PTPRG: variants seen among roughly 807,000 people sequenced by gnomAD.
PTPRG encodes protein tyrosine phosphatase receptor type G, also known as receptor-type tyrosine-protein phosphatase gamma.
PTPRG carries 102 observed loss-of-function variants against 165.3 expected under a neutral mutation model. That is an observed-to-expected ratio of 0.62 (90% CI 0.53 to 0.73). PTPRG has a LOEUF of 0.73. Among genes scored for constraint, PTPRG ranks in the 30% least tolerant of loss-of-function variants. PTPRG has a pLI of 0.00. For synonymous variants in PTPRG, 675 were observed against 669.5 expected, an observed-to-expected ratio of 1.01 and a Z score of -0.13; for missense variants, 1,866 against 1,861.4, an observed-to-expected ratio of 1.00 and a Z score of -0.05.
At chr3:61,918,642 C>T (rs35452054) in intron 2 of PTPRG, among the ~76,000 whole-genome samples, 1 of 152,072 alleles carries the variant, frequency 6.6e-6, no homozygotes, top group Non-Finnish European at 1.5e-5. Context: ...AATCACATGG[C>T]CAAGAAAGGT....
At chr3:61,584,048 T>C (rs1303063853) in intron 1 of PTPRG, among the ~76,000 whole-genome samples, 1 of 152,228 alleles carries the variant, frequency 6.6e-6, no homozygotes. Flanking sequence ...GTTTGGTTTT[T>C]CGAGTTCATT....
intron 1 of PTPRG, among the ~76,000 whole-genome samples, chr3:61,712,185 C>T (rs943908841): frequency 1.1e-4 from 17 of 152,088 alleles, no homozygotes; most frequent in Non-Finnish European, 2.2e-4. Context: ...TGAGCCACCG[C>T]GCCCGGCCTG....
At chr3:62,267,938 TTC>T (rs1701937552) in intron 19 of PTPRG, 119 bp downstream of exon 19, 1 of 1,145,572 alleles carries the variant, frequency 8.7e-7, no homozygotes, top group Non-Finnish European at 1.2e-6. Context: ...ATGAAAAGTG[TTC>T]TCTCTGCTTT....
intron 4 of PTPRG, among the ~76,000 whole-genome samples, chr3:62,073,667 G>A (rs1046877232): frequency 2.6e-5 from 4 of 152,094 alleles, no homozygotes; most frequent in Admixed American, 1.3e-4. Flanking sequence ...TTTTTGTAGA[G>A]ACAGGGTTTC....
At chr3:62,148,357 A>G (rs1173444450) in intron 6 of PTPRG, among the ~76,000 whole-genome samples, 1 of 152,180 alleles carries the variant, frequency 6.6e-6, no homozygotes, top group African/African-American at 2.4e-5. Flanking sequence ...TAGACAGGTC[A>G]TGTCGGGCCC....
At chr3:61,663,451 C>G (rs1165792356) in intron 1 of PTPRG, among the ~76,000 whole-genome samples, 2 of 152,046 alleles carry the variant, frequency 1.3e-5, no homozygotes, top group Admixed American at 6.6e-5. Context: ...CCCTAACTTG[C>G]AATGTTATTG....
chr3:61,817,642 G>A (rs996527123), intron 2 of PTPRG, among the ~76,000 whole-genome samples: 3 of 152,140 alleles, frequency 2.0e-5, no homozygotes, highest in Admixed American at 6.5e-5. Flanking sequence ...ACAGCTACGA[G>A]ACCTGCGTGG....
chr3:61,850,548 G>A (rs1202420041), intron 2 of PTPRG, among the ~76,000 whole-genome samples: 1 of 152,166 alleles, frequency 6.6e-6, no homozygotes, highest in Non-Finnish European at 1.5e-5. Flanking sequence ...TTTAAAAAAT[G>A]TGTCCTATTT....
At chr3:61,789,202 T>G (rs536286859) in intron 2 of PTPRG, among the ~76,000 whole-genome samples, 2 of 152,268 alleles carry the variant, frequency 1.3e-5, no homozygotes, top group South Asian at 4.1e-4. Context: ...CGGGCTCAGG[T>G]GATCCTCCCA....
intron 2 of PTPRG, among the ~76,000 whole-genome samples, chr3:61,818,988 A>G (rs538772589): frequency 1.2e-4 from 19 of 152,134 alleles, no homozygotes; most frequent in Non-Finnish European, 2.4e-4. Context: ...TAAATAATAT[A>G]GAGAAAGTAT....
At chr3:62,159,246 A>G (rs188215283) in intron 7 of PTPRG, among the ~76,000 whole-genome samples, 78 of 152,102 alleles carry the variant, frequency 5.1e-4, no homozygotes, top group Non-Finnish European at 9.9e-4. Flanking sequence ...GGGGAGGATC[A>G]CTTGAGTCTA....
intron 2 of PTPRG, among the ~76,000 whole-genome samples, chr3:61,920,172 G>C (rs7648772): frequency 0.011 from 1,619 of 152,246 alleles, 35 homozygotes; most frequent in South Asian, 0.093. Context: ...CCTCACTTGT[G>C]AAAGACTCAA....
chr3:62,201,511 C>T lies in PTPRG; in HGVS notation c.1334C>T (p.Thr445Ile), dbSNP rs1175225196. Residue 445 changes from threonine (T) to isoleucine (I), a missense_variant, in exon 11 of 30, where the codon ACC (threonine) becomes ATC (isoleucine). Thr to Ile is a moderately conservative substitution (Grantham distance 89). Around this residue, in one of 3 missense-constraint regions of PTPRG, gnomAD observed 1,452 missense variants for 1,463.0 expected, o/e 0.99. Coordinates refer to ENST00000474889, the MANE Select transcript of PTPRG (RefSeq NM_002841.4). ...FSQTMLFQAN[T>I]TRIFQGTRIV... ...TAATTTCTTTGTTTCTCAGCTAATA[C>T]CACTCGAATATTCCAAGGGACCAGA... The T allele has an allele frequency of 2.5e-6, 4 of 1,607,708 alleles. No individual in the cohort carries two copies. The East Asian group carries it at 6.7e-5, about 27-fold the overall frequency.
chr3:62,264,480 G>T (rs1182310756), intron 17 of PTPRG, among the ~76,000 whole-genome samples: 1 of 152,046 alleles, frequency 6.6e-6, no homozygotes, highest in African/African-American at 2.4e-5. Context: ...TAGAAACCCT[G>T]TATCTACCTT....
At chr3:62,060,767 C>T (rs1700782032) in intron 4 of PTPRG, among the ~76,000 whole-genome samples, 1 of 152,100 alleles carries the variant, frequency 6.6e-6, no homozygotes, top group African/African-American at 2.4e-5. Flanking sequence ...TCTATTCTTG[C>T]CTGCATTTTC....
In PTPRG at chr3:61,863,201, CTT is replaced by C. The variant is rs533879624; in HGVS notation, c.190+114221_190+114222del. On this transcript the variant is annotated intron_variant, in intron 2 of 29. Coordinates refer to ENST00000474889, the MANE Select transcript of PTPRG (RefSeq NM_002841.4). ...CCTGACCCAGACGGGGCTTCCCCCT[CTT>C]TGAGCAGTGGATTGTCTTGGACTGA... 2.3e-4 allele frequency among the ~76,000 whole-genome samples: 35 copies of C among 152,280 alleles called. 1 individual carries two copies. The South Asian group carries it at 7.0e-3, about 31-fold the overall frequency.
chr3:62,273,979 A>T lies in PTPRG; in HGVS notation c.3465+135A>T. The T allele has an allele frequency of 1.2e-6, 1 of 854,066 alleles. No homozygotes were observed. Among genetic ancestry groups the T allele is most frequent in the Non-Finnish European group, 1.8e-6 (1 of 565,604 alleles). The allele number at this position is 854,066 out of a possible 1,614,324, so 52.9% of individuals were successfully genotyped here. On this transcript the variant is annotated intron_variant, in intron 23 of 29. Transcript: ENST00000474889. The surrounding 1 kb of genome is among the most constrained non-coding windows in gnomAD (Gnocchi z 4.1). ...TATTTGTACTCCTTGTACTCCTTAA[A>T]TGTGATGAAAAAGAAAATACGGTTT...
chr3:61,707,546 A>C (rs542103926), intron 1 of PTPRG, among the ~76,000 whole-genome samples: 1 of 152,306 alleles, frequency 6.6e-6, no homozygotes, highest in African/African-American at 2.4e-5. Flanking sequence ...TCTTGTTAGC[A>C]GGGAAGGTTA....
At chr3:61,790,881 G>A (rs1473046216) in intron 2 of PTPRG, among the ~76,000 whole-genome samples, 2 of 151,630 alleles carry the variant, frequency 1.3e-5, no homozygotes, top group Non-Finnish European at 2.9e-5. Context: ...TTGATTTGTT[G>A]ATACTTTTTT....
Sources: allele counts gnomAD v4.1 joint callset (sites outside exome capture counted in the v4.1 genomes callset), GRCh38; gene constraint gnomAD v4.1.1; regional missense constraint gnomAD v4.1.1; non-coding constraint Gnocchi (gnomAD v3.1); transcripts MANE v1.5; gene names NCBI Gene and HGNC (gene_info 2026-07-23, HGNC 2026-07-21).